Variants in EFCAB11 observed in about 807,000 individuals in gnomAD.
The protein encoded by EFCAB11 is EF-hand calcium binding domain 11.
EFCAB11 carries 14 observed loss-of-function variants against 23.0 expected under a neutral mutation model. The observed-to-expected ratio is 0.61, with a 90% confidence interval of 0.40 to 0.95. EFCAB11 has a LOEUF of 0.95. EFCAB11 is among the 40% of genes least tolerant of loss of function. The pLI is 0.00. For synonymous variants in EFCAB11, 65 were observed against 66.6 expected (o/e 0.98, Z 0.11); for missense variants, 198 against 195.8 (o/e 1.01, Z -0.07).
At chr14:89,892,266 T>G in intron 5 of EFCAB11, 2 of 1,613,492 alleles carry the variant, frequency 1.2e-6, no homozygotes, top group East Asian at 4.5e-5. Flanking sequence ...GAGACCTCTG[T>G]TAAAAACAAC....
At position 89,812,685 on chromosome 14, in the gene EFCAB11, G is replaced by A. The variant is rs1052480680; in HGVS notation, c.411-15361C>T. 9.2e-5 allele frequency among the ~76,000 whole-genome samples: 14 copies of A among 152,112 alleles called. 1 individual carries two copies. Among genetic ancestry groups the A allele is most frequent in the Admixed American group, 6.5e-4 (10 of 15,270 alleles). On this transcript the variant is annotated intron_variant, in intron 5 of 5. Transcript: ENST00000316738. ...GTGATAAAGGCATTATATATAAATG[G>A]GGATTACTTAACAAAGGATCATGGA... is the stretch of plus-strand genomic sequence containing the variant.
chr14:89,819,928 C>G (rs1886455472), intron 5 of EFCAB11, among the ~76,000 whole-genome samples: 1 of 152,020 alleles, frequency 6.6e-6, no homozygotes, highest in South Asian at 2.1e-4. Context: ...TTATCTTTTA[C>G]AATGGTAAAA....
intron 5 of EFCAB11, among the ~76,000 whole-genome samples, chr14:89,871,171 G>C (rs1414954083): frequency 6.6e-6 from 1 of 152,100 alleles, no homozygotes; most frequent in Non-Finnish European, 1.5e-5. Context: ...TCTGAAGTTG[G>C]CAGACAAGAG....
intron 5 of EFCAB11, among the ~76,000 whole-genome samples, chr14:89,863,467 T>C (rs983747668): frequency 6.6e-6 from 1 of 152,246 alleles, no homozygotes; most frequent in Non-Finnish European, 1.5e-5. Flanking sequence ...TCTCCCATCC[T>C]CTGCAGGCTT....
chr14:89,798,943 C>T (rs940605962), intron 5 of EFCAB11, among the ~76,000 whole-genome samples: 7 of 152,078 alleles, frequency 4.6e-5, no homozygotes, highest in African/African-American at 1.2e-4. Flanking sequence ...CCCAGTACCA[C>T]GCCTGGCTAA....
At chr14:89,806,601 C>T (rs186774219) in intron 5 of EFCAB11, among the ~76,000 whole-genome samples, 2 of 152,266 alleles carry the variant, frequency 1.3e-5, no homozygotes, top group East Asian at 3.9e-4. Flanking sequence ...CATTCTTCCC[C>T]CCATGCCGTA....
chr14:89,853,013 T>C (rs1887642607), intron 5 of EFCAB11, among the ~76,000 whole-genome samples: 2 of 152,216 alleles, frequency 1.3e-5, no homozygotes, highest in African/African-American at 4.8e-5. Context: ...AGTAATATTT[T>C]GTTAAGTCTT....
chr14:89,805,789 A>G (rs1885948660), intron 5 of EFCAB11, among the ~76,000 whole-genome samples: 1 of 152,150 alleles, frequency 6.6e-6, no homozygotes, highest in Non-Finnish European at 1.5e-5. Flanking sequence ...TGGAAATGAA[A>G]GCATCCTGAC....
intron 2 of EFCAB11, chr14:89,952,655 A>G (rs1891213336): frequency 2.1e-6 from 2 of 964,256 alleles, no homozygotes; most frequent in Non-Finnish European, 2.5e-6. Context: ...GTGCATCACA[A>G]CTTCACAGTA....
chr14:89,943,669 G>A (rs1044695026), intron 3 of EFCAB11, among the ~76,000 whole-genome samples: 3 of 152,186 alleles, frequency 2.0e-5, no homozygotes, highest in Non-Finnish European at 4.4e-5. Flanking sequence ...ATCAATAAGA[G>A]GGAAAGAAGA....
intron 5 of EFCAB11, chr14:89,848,830 T>G (rs4542598): frequency 0.65 from 99,035 of 151,590 alleles, 34,100 homozygotes; most frequent in Non-Finnish European, 0.79. Context: ...AGGAGGCTGA[T>G]GCAGGAGGAT....
At chr14:89,820,254 GTTT>G (rs1050220077) in intron 5 of EFCAB11, among the ~76,000 whole-genome samples, 1 of 151,868 alleles carries the variant, frequency 6.6e-6, no homozygotes, top group Non-Finnish European at 1.5e-5. Flanking sequence ...TAGCATGCTT[GTTT>G]TTTAGAGGTT....
intron 5 of EFCAB11, among the ~76,000 whole-genome samples, chr14:89,865,570 C>T (rs1035757111): frequency 2.0e-5 from 3 of 151,936 alleles, no homozygotes; most frequent in Admixed American, 1.3e-4. Flanking sequence ...GAAACAATCA[C>T]GGCTCACTGC....
intron 5 of EFCAB11, among the ~76,000 whole-genome samples, chr14:89,838,041 G>A (rs910905960): frequency 2.0e-5 from 3 of 152,188 alleles, no homozygotes; most frequent in African/African-American, 7.2e-5. Context: ...TTTCAGAGCT[G>A]AGGAATTCAT....
chr14:89,904,125 C>T (rs1889420769), intron 5 of EFCAB11, among the ~76,000 whole-genome samples: 1 of 152,050 alleles, frequency 6.6e-6, no homozygotes, highest in Non-Finnish European at 1.5e-5. Flanking sequence ...TATCCCTCCC[C>T]CAGCACCCTA....
At chr14:89,805,323 C>T (rs1050103315) in intron 5 of EFCAB11, among the ~76,000 whole-genome samples, 7 of 152,200 alleles carry the variant, frequency 4.6e-5, no homozygotes, top group South Asian at 2.1e-4. Context: ...ACTCTCCTTA[C>T]CACAGTGACT....
intron 3 of EFCAB11, among the ~76,000 whole-genome samples, chr14:89,940,179 C>T (rs913557302): frequency 6.6e-6 from 1 of 152,080 alleles, no homozygotes; most frequent in African/African-American, 2.4e-5. Flanking sequence ...GTAGGAGATT[C>T]CATAAAATGC....
At chr14:89,809,137 C>T (rs1301536992) in intron 5 of EFCAB11, among the ~76,000 whole-genome samples, 1 of 152,218 alleles carries the variant, frequency 6.6e-6, no homozygotes, top group Non-Finnish European at 1.5e-5. Context: ...TCTCCCTCTG[C>T]CCAGCACTAA....
intron 5 of EFCAB11, among the ~76,000 whole-genome samples, chr14:89,819,101 GC>G (rs1402170739): frequency 6.6e-6 from 1 of 152,048 alleles, no homozygotes; most frequent in African/African-American, 2.4e-5. Flanking sequence ...TTTGTTTAAT[GC>G]CCCCAAACTG....
Sources: gnomAD v4.1 joint callset for allele counts (sites outside exome capture counted in the v4.1 genomes callset) on GRCh38, gnomAD v4.1.1 for gene constraint, MANE v1.5 for transcripts, NCBI Gene and HGNC (gene_info 2026-07-23, HGNC 2026-07-21) for gene names.